Variants in BLZF1 observed in about 807,000 individuals in gnomAD.
The protein encoded by BLZF1 is basic leucine zipper nuclear factor 1, also known as golgin-45.
In BLZF1, 39 loss-of-function variants were observed where a neutral mutation model predicts 43.8. The ratio of observed to expected loss-of-function variants is 0.89; its 90% CI spans 0.69 to 1.16. BLZF1 has a LOEUF of 1.16. Ranked by LOEUF, BLZF1 falls within the 50% of genes most tolerant of loss-of-function variation. The pLI, the probability that BLZF1 is intolerant of heterozygous loss-of-function variation, is 0.00. For missense variants in BLZF1, 449 were observed against 469.8 expected (o/e 0.96, Z 0.41); for synonymous variants, 136 against 159.4 (o/e 0.85, Z 1.11).
chr1:169,385,519 T>A (rs1460769923), intron 6 of BLZF1, among the ~76,000 whole-genome samples: 4 of 152,212 alleles, frequency 2.6e-5, no homozygotes. Flanking sequence ...GCTCCTGAAT[T>A]CCCTTAGCAT....
At chr1:169,391,851 C>G (rs938797342), downstream of BLZF1, among the ~76,000 whole-genome samples, 2 of 152,068 alleles carry the variant, frequency 1.3e-5, no homozygotes, top group African/African-American at 4.8e-5. Context: ...TCCTTCAGAC[C>G]CCCGATAAAC....
chr1:169,375,064 A>T (rs1557846739), intron 2 of BLZF1, among the ~76,000 whole-genome samples: 3 of 152,000 alleles, frequency 2.0e-5, no homozygotes, highest in African/African-American at 7.2e-5. Context: ...TATGCTTGGG[A>T]ATTTATTTGA....
intron 2 of BLZF1, among the ~76,000 whole-genome samples, chr1:169,370,666 T>C (rs1397780536): frequency 6.6e-6 from 1 of 152,238 alleles, no homozygotes; most frequent in Non-Finnish European, 1.5e-5. Context: ...GAAAATTCTG[T>C]TGGACAGCCC....
chr1:169,371,356 T>G (rs1430527820), intron 2 of BLZF1, among the ~76,000 whole-genome samples: 2 of 152,230 alleles, frequency 1.3e-5, no homozygotes, highest in Non-Finnish European at 2.9e-5. Context: ...TTAAATTACT[T>G]TTTAATATTT....
intron 5 of BLZF1, among the ~76,000 whole-genome samples, chr1:169,381,445 T>C (rs1654524362): frequency 6.6e-6 from 1 of 152,108 alleles, no homozygotes; most frequent in African/African-American, 2.4e-5. Flanking sequence ...GATTCACTGA[T>C]GAATGCTAGT....
At chr1:169,382,427 A>C in intron 6 of BLZF1, 146 bp downstream of exon 6, 1 of 677,244 alleles carries the variant, frequency 1.5e-6, no homozygotes, top group Admixed American at 3.1e-5. Flanking sequence ...ATCTTGGAGA[A>C]AATTATTTCC....
In BLZF1 at chr1:169,387,022, C is replaced by A. The variant is rs369740623; in HGVS notation, c.1043C>A (p.Thr348Asn). ...ETVLRILDPV[T>N]CKESSPDNPF... ...GTTCTAAGAATTTTAGATCCAGTTA[C>A]CTGCAAAGAGAGTTCACCTGATAAT... The change falls in exon 7 of 7, where the codon ACC (threonine) becomes AAC (asparagine). Residue 348 changes from threonine to asparagine, a missense_variant. Thr to Asn is a moderately conservative substitution (Grantham distance 65). Coordinates refer to ENST00000367808, the MANE Select transcript of BLZF1 (RefSeq NM_001320973.2). 4 of 1,609,812 alleles carry A rather than the reference C, an allele frequency of 2.5e-6. No homozygotes were observed. Among genetic ancestry groups the A allele is most frequent in the Non-Finnish European group, 2.5e-6 (3 of 1,178,316 alleles).
intron 6 of BLZF1, 102 bp downstream of exon 6, chr1:169,382,383 T>A (rs1322978528): frequency 9.7e-7 from 1 of 1,028,614 alleles, no homozygotes; most frequent in African/African-American, 1.6e-5. Flanking sequence ...TTAGGAAATG[T>A]GGGATCTAAA....
At chr1:169,388,508 A>G (rs1654735639), downstream of BLZF1, among the ~76,000 whole-genome samples, 1 of 152,236 alleles carries the variant, frequency 6.6e-6, no homozygotes, top group Admixed American at 6.5e-5. Flanking sequence ...CAGGCAACAA[A>G]AGAAAAAATA....
downstream of BLZF1, among the ~76,000 whole-genome samples, chr1:169,390,196 CAAT>C (rs1557852701): frequency 6.0e-5 from 1 of 16,648 alleles, no homozygotes; most frequent in African/African-American, 4.1e-4. Context: ...TTAACAGTGT[CAAT>C]AACAATAATA....
chr1:169,375,387 A>G (rs1654272981), intron 2 of BLZF1, among the ~76,000 whole-genome samples: 1 of 92,948 alleles, frequency 1.1e-5, no homozygotes, highest in South Asian at 4.2e-4. Context: ...ACATATATAT[A>G]TAAAACATAT....
At chr1:169,390,522 CTG>C (rs906259810), downstream of BLZF1, among the ~76,000 whole-genome samples, 1 of 152,118 alleles carries the variant, frequency 6.6e-6, no homozygotes, top group African/African-American at 2.4e-5. Context: ...TAAAGAAAAA[CTG>C]TACACCAATA....
chr1:169,391,717 A>G (rs151018462), downstream of BLZF1, among the ~76,000 whole-genome samples: 16 of 152,338 alleles, frequency 1.1e-4, no homozygotes, highest in African/African-American at 3.4e-4. Context: ...CTTTTAATCT[A>G]TAACTAAGGT....
rs1654709663 is a variant in BLZF1 at position 169,387,454 on chromosome 1, A to AAAAG, written c.*274_*277dup. On this transcript the variant is annotated 3_prime_UTR_variant, in exon 7 of 7. Coordinates refer to ENST00000367808, the MANE Select transcript of BLZF1 (RefSeq NM_001320973.2). ...ACTTTTCCTAAAAGACTCTAAAAGA[A>AAAAG]AAAGATTCTGTAACTCTCTTTTAGC... The AAAAG allele has an allele frequency of 3.8e-6, 1 of 260,336 alleles. No homozygotes were observed. The highest frequency in any genetic ancestry group is 7.1e-6 in the Non-Finnish European group (1 of 140,990). The allele number at this position is 260,336 out of a possible 1,614,324, so 16.1% of individuals were successfully genotyped here.
downstream of BLZF1, among the ~76,000 whole-genome samples, chr1:169,392,916 T>C (rs1654849868): frequency 6.6e-6 from 1 of 152,170 alleles, no homozygotes; most frequent in Admixed American, 6.5e-5. Context: ...CACGAATCTC[T>C]TCAATCTGGC....
At position 169,387,283 on chromosome 1, in the gene BLZF1, T is replaced by A. The variant is rs1286754942; in HGVS notation, c.*101T>A. The A allele has an allele frequency of 1.9e-6, 2 of 1,056,938 alleles. No homozygotes were observed. The highest frequency in any genetic ancestry group is 5.6e-5 in the Admixed American group (2 of 35,528). 65.5% of individuals were successfully genotyped at this position (1,056,938 alleles called of 1,614,324 possible). A position where few individuals can be genotyped will look rare whatever the true frequency, so the allele number is the denominator to read the frequency against. On this transcript the variant is annotated 3_prime_UTR_variant, in exon 7 of 7. Coordinates refer to ENST00000367808, the MANE Select transcript of BLZF1 (RefSeq NM_001320973.2). ...TTACAATGCTAGAAATAATATCACT[T>A]CCTATTTACATAATGTATACACCCA...
downstream of BLZF1, among the ~76,000 whole-genome samples, chr1:169,392,442 C>T (rs1203209238): frequency 2.0e-5 from 3 of 152,176 alleles, no homozygotes; most frequent in Non-Finnish European, 4.4e-5. Context: ...GAAATAAACC[C>T]ATACATCTAT....
chr1:169,369,092 GTA>G (rs908176742), intron 1 of BLZF1, among the ~76,000 whole-genome samples: 28 of 152,242 alleles, frequency 1.8e-4, no homozygotes, highest in African/African-American at 5.8e-4. Flanking sequence ...GTGTGTGTGT[GTA>G]TACAAATTGT....
At position 169,380,525 on chromosome 1, in the gene BLZF1, G is replaced by A. The variant is rs562436533; in HGVS notation, c.713G>A (p.Arg238His). The stretch of plus-strand genomic sequence containing the variant: ...ACCAACTCAAGAGCAGCTTTACAGC[G>A]TCAAAACCGTGATGCACACGGGGCT... ...ELTNSRAALQ[R>H]QNRDAHGAIQ... Residue 238 changes from arginine (R) to histidine (H), a missense_variant, in exon 5 of 7, where the codon CGT (arginine) becomes CAT (histidine). Coordinates refer to ENST00000367808, the MANE Select transcript of BLZF1 (RefSeq NM_001320973.2). 29 of 1,612,592 alleles carry A rather than the reference G, an allele frequency of 1.8e-5. 1 individual carries two copies. Among genetic ancestry groups the A allele is most frequent in the Admixed American group, 1.2e-4 (7 of 59,936 alleles).
Sources: gnomAD v4.1 joint callset for allele counts (sites outside exome capture counted in the v4.1 genomes callset) on GRCh38, gnomAD v4.1.1 for gene constraint, MANE v1.5 for transcripts, NCBI Gene and HGNC (gene_info 2026-07-23, HGNC 2026-07-21) for gene names.